The following MTO1 variants were observed in gnomAD, a reference collection of about 807,000 sequenced individuals.
The protein encoded by MTO1 is 5-taurinomethyluridine-[tRNA] synthase subunit MTO1, mitochondrial.
A neutral mutation model predicts 71.6 loss-of-function variants in MTO1; 46 were observed. That is an observed-to-expected ratio of 0.64 (90% CI 0.51 to 0.82). MTO1 has a LOEUF of 0.82. Among genes scored for constraint, MTO1 ranks in the 40% least tolerant of loss-of-function variants. The pLI is 0.00. For missense variants in MTO1, 773 were observed against 867.5 expected, an observed-to-expected ratio of 0.89 and a Z score of 1.37; for synonymous variants, 297 against 312.1, an observed-to-expected ratio of 0.95 and a Z score of 0.51.
Position 73,480,038 on chromosome 6 carries a change from G to A in MTO1, c.1041G>A (p.Gln347=). The part of the protein sequence containing the change: ...EGMDSDLIYP[Q]GLSMTLPAEL... ...TGGATTCTGACCTTATCTACCCACA[G>A]GGGTTATCTATGACGCTACCAGCTG... The change falls in exon 6 of 12, where the codon CAG becomes CAA. Residue 347 remains glutamine (Q), a synonymous_variant. Transcript: ENST00000498286. The A allele has an allele frequency of 6.2e-7, 1 of 1,614,146 alleles. No homozygotes were observed. Among genetic ancestry groups the A allele is most frequent in the Admixed American group, 1.7e-5 (1 of 60,010 alleles).
chr6:73,492,458 C>T (rs1014208314), intron 10 of MTO1, 106 bp downstream of exon 10: 3 of 749,940 alleles, frequency 4.0e-6, no homozygotes, highest in South Asian at 1.6e-5. Context: ...AGCTTCTGTG[C>T]TTTTCAAAAG....
intron 9 of MTO1, among the ~76,000 whole-genome samples, chr6:73,484,605 T>C (rs1771601337): frequency 6.6e-6 from 1 of 152,172 alleles, no homozygotes; most frequent in Admixed American, 6.6e-5. Context: ...ATTCAGACTA[T>C]AGCAGTGGAT....
chr6:73,476,236 T>G (rs1433846231), intron 4 of MTO1, among the ~76,000 whole-genome samples: 1 of 143,684 alleles, frequency 7.0e-6, no homozygotes, highest in Admixed American at 7.0e-5. Flanking sequence ...TAGCCAGGCA[T>G]GGTGGCTCAT....
intron 1 of MTO1, among the ~76,000 whole-genome samples, chr6:73,463,084 C>T (rs1770875693): frequency 1.3e-5 from 2 of 150,666 alleles, no homozygotes; most frequent in African/African-American, 2.4e-5. Flanking sequence ...AGTGCAGTGG[C>T]GCCATCTCGG....
chr6:73,498,678 T>TA (rs1396855777), intron 11 of MTO1, among the ~76,000 whole-genome samples: 2 of 152,238 alleles, frequency 1.3e-5, no homozygotes, highest in East Asian at 3.9e-4. Context: ...AAACTGTACT[T>TA]ACTGATTCTG....
rs1448465321 is a variant in MTO1, at chr6:73,505,562, GT to G, written c.*4832del. 7.0e-5 allele frequency: 2 copies of G among 28,766 alleles called. No homozygotes were observed. Among genetic ancestry groups the G allele is most frequent in the Non-Finnish European group, 2.8e-4 (2 of 7,192 alleles). 1.8% of individuals were successfully genotyped at this position (28,766 alleles called of 1,614,324 possible). On this transcript the variant is annotated 3_prime_UTR_variant, in exon 12 of 12. Coordinates refer to ENST00000498286, the MANE Select transcript of MTO1 (RefSeq NM_012123.4). The stretch of plus-strand genomic sequence containing the variant: ...ATTTCAGTTTTTTTGTTTTGTTTTT[GT>G]TTTTGTTTTTGAGATGGAGCCTCAC...
intron 4 of MTO1, among the ~76,000 whole-genome samples, chr6:73,479,235 C>T (rs932245920): frequency 6.6e-6 from 1 of 151,824 alleles, no homozygotes; most frequent in Non-Finnish European, 1.5e-5. Context: ...TGGCTCACAC[C>T]TGTAATCCCA....
At position 73,505,983 on chromosome 6, in the gene MTO1, CTTTTT is replaced by C. The variant is rs527328945; in HGVS notation, c.*5254_*5258del. 6.7e-6 allele frequency: 1 copy of C among 149,844 alleles called. No individual in the cohort carries two copies. The highest frequency in any genetic ancestry group is 2.1e-4 in the South Asian group (1 of 4,728). 9.3% of individuals were successfully genotyped at this position (149,844 alleles called of 1,614,324 possible). A position where few individuals can be genotyped will look rare whatever the true frequency, so the allele number is the denominator to read the frequency against. On this transcript the variant is annotated 3_prime_UTR_variant, in exon 12 of 12. Coordinates refer to ENST00000498286, the MANE Select transcript of MTO1 (RefSeq NM_012123.4). ...TGGTTACGATGGAATTTTTCTTTTT[CTTTTT>C]TTTTTCTTGAGACGGAGTCTCGCTC...
At chr6:73,469,545 C>T (rs1435477134) in intron 3 of MTO1, among the ~76,000 whole-genome samples, 3 of 152,096 alleles carry the variant, frequency 2.0e-5, no homozygotes, top group East Asian at 3.9e-4. Context: ...TCGCTTGAAC[C>T]CAGGAGGCGG....
Position 73,501,832 on chromosome 6 carries a change from C to T in MTO1, c.*1097C>T, listed in dbSNP as rs1013524879. 8 of 152,206 alleles carry T rather than the reference C, an allele frequency of 5.3e-5. No individual in the cohort carries two copies. The highest frequency in any genetic ancestry group is 8.8e-5 in the Non-Finnish European group (6 of 68,054). The allele number at this position is 152,206 out of a possible 1,614,324, so 9.4% of individuals were successfully genotyped here. On this transcript the variant is annotated 3_prime_UTR_variant, in exon 12 of 12. Coordinates refer to ENST00000498286, the MANE Select transcript of MTO1 (RefSeq NM_012123.4). ...GAGAGTTCTAAGGGCCCCAAAGTCA[C>T]TTTGGCTACAGATGTGTATGTTAAG...
chr6:73,504,119 T>G lies in MTO1; in HGVS notation c.*3384T>G, dbSNP rs1201934208. 2 of 152,180 alleles carry G rather than the reference T, an allele frequency of 1.3e-5. No individual in the cohort carries two copies. Among genetic ancestry groups the G allele is most frequent in the African/African-American group, 4.8e-5 (2 of 41,432 alleles). The allele number at this position is 152,180 out of a possible 1,614,324, so 9.4% of individuals were successfully genotyped here. A position where few individuals can be genotyped will look rare whatever the true frequency, so the allele number is the denominator to read the frequency against. On this transcript the variant is annotated 3_prime_UTR_variant, in exon 12 of 12. Transcript: ENST00000498286. ...CTCCACAATACTTCTATTATTACAC[T>G]TACTTCGTTCTACCTTAATGTTTTT...
intron 3 of MTO1, among the ~76,000 whole-genome samples, chr6:73,469,624 A>G (rs2150029269): frequency 9.5e-6 from 1 of 105,256 alleles, no homozygotes; most frequent in South Asian, 4.0e-4. Flanking sequence ...CTCCATCTCT[A>G]AATAAATAAA....
chr6:73,462,644 G>T (rs1770860362), intron 1 of MTO1, among the ~76,000 whole-genome samples: 1 of 152,028 alleles, frequency 6.6e-6, no homozygotes. Context: ...CAGGAGAATC[G>T]CTTGAACCCG....
rs1366709439 is a variant in MTO1, at chr6:73,504,898, G to C, written c.*4163G>C. On this transcript the variant is annotated 3_prime_UTR_variant, in exon 12 of 12. Coordinates refer to ENST00000498286, the MANE Select transcript of MTO1 (RefSeq NM_012123.4). ...GAGACCCTGCCTGAAAAAAAGCCCAGGTGTGGTGGCTCACATCTGTAATCC... is the reference window on the plus strand; with the variant it reads ...GAGACCCTGCCTGAAAAAAAGCCCACGTGTGGTGGCTCACATCTGTAATCC... 1 of 149,472 alleles carries C rather than the reference G, an allele frequency of 6.7e-6. No homozygotes were observed. Among genetic ancestry groups the C allele is most frequent in the Non-Finnish European group, 1.5e-5 (1 of 67,356 alleles). The allele number at this position is 149,472 out of a possible 1,614,324, so 9.3% of individuals were successfully genotyped here.
intron 7 of MTO1, 95 bp from the exon 8 acceptor site, chr6:73,481,945 C>G: frequency 7.4e-7 from 1 of 1,355,560 alleles, no homozygotes; most frequent in Non-Finnish European, 1.1e-6. Flanking sequence ...TTGCTTTCTT[C>G]CTGTCCCATG....
In MTO1 at chr6:73,466,370, G is replaced by T; in HGVS notation, c.379G>T (p.Ala127Ser). 1.2e-6 allele frequency: 2 copies of T among 1,614,160 alleles called. No homozygotes were observed. Among genetic ancestry groups the T allele is most frequent in the South Asian group, 2.2e-5 (2 of 91,084 alleles). ...RKGPAVWGLR[A>S]QIDRKLYKQN... is the part of the protein sequence containing the mutation. Reference sequence around the variant, plus strand: ...GGGACCAGCTGTGTGGGGTCTGAGAGCTCAGATTGATAGGAAACTCTATAA... The same window carrying T: ...GGGACCAGCTGTGTGGGGTCTGAGATCTCAGATTGATAGGAAACTCTATAA... Residue 127 changes from alanine to serine, a missense_variant, in exon 2 of 12, where the codon GCT becomes TCT. Coordinates refer to ENST00000498286, the MANE Select transcript of MTO1 (RefSeq NM_012123.4).
Position 73,461,968 on chromosome 6 carries a change from C to A in MTO1, c.114C>A (p.Asp38Glu), listed in dbSNP as rs1382006065. ...CGGCGCCCCGGACTCCGCACTTCGA[C>A]GTGATAGTCATTGGTGGAGGACATG... ...DSAAPRTPHF[D>E]VIVIGGGHAG... The change falls in exon 1 of 12, where the codon GAC (aspartate) becomes GAA (glutamate). Residue 38 changes from aspartate to glutamate, a missense_variant. By Grantham distance (45) the Asp-to-Glu change is conservative (BLOSUM62 2). Transcript: ENST00000498286. 6.2e-7 allele frequency: 1 copy of A among 1,614,242 alleles called. No homozygotes were observed. The highest frequency in any genetic ancestry group is 1.1e-5 in the South Asian group (1 of 91,086).
chr6:73,478,599 C>T (rs1356891061), intron 4 of MTO1, among the ~76,000 whole-genome samples: 3 of 152,154 alleles, frequency 2.0e-5, no homozygotes, highest in East Asian at 1.9e-4. Flanking sequence ...ATGGTAATGG[C>T]GCAAGCTTGG....
chr6:73,464,832 T>C, intron 1 of MTO1, among the ~76,000 whole-genome samples: 1 of 107,054 alleles, frequency 9.3e-6, no homozygotes, highest in Non-Finnish European at 1.8e-5. Flanking sequence ...CGAAACTCTG[T>C]CTCAAAAAAA....
Sources: gnomAD v4.1 joint callset for allele counts (sites outside exome capture counted in the v4.1 genomes callset) on GRCh38, gnomAD v4.1.1 for gene constraint, MANE v1.5 for transcripts, NCBI Gene and HGNC (gene_info 2026-07-23, HGNC 2026-07-21) for gene names.